The following DMD variants were observed in gnomAD, a reference collection of about 807,000 sequenced individuals.
The protein encoded by DMD is dystrophin, also known as mutant dystrophin.
Under a neutral mutation model 330.1 loss-of-function variants are expected in DMD, and 63 were observed. The observed-to-expected ratio is 0.19, with a 90% confidence interval of 0.16 to 0.24. The LOEUF is 0.24. Ranked by LOEUF, DMD falls within the 10% of genes least tolerant of loss-of-function variation. DMD has a pLI of 1.00. For missense variants in DMD, 3,344 were observed against 2,684.1 expected (o/e 1.25, Z -5.43); for synonymous variants, 1,223 against 959.8 (o/e 1.27, Z -5.07).
intron 1 of DMD, among the ~76,000 whole-genome samples, chrX:33,072,323 T>A (rs1273857474): frequency 2.7e-5 from 3 of 111,121 alleles, no homozygotes; most frequent in South Asian, 3.8e-4. Flanking sequence ...GAGGCTGAGG[T>A]AGGAGAATCA....
chrX:31,277,345 T>C (rs1439428071), intron 62 of DMD, among the ~76,000 whole-genome samples: 1 of 111,952 alleles, frequency 8.9e-6, no homozygotes. Context: ...ATGCCTAATA[T>C]ATTTCAGTAA....
At chrX:32,610,523 A>G (rs533577967) in intron 12 of DMD, among the ~76,000 whole-genome samples, 2 of 111,598 alleles carry the variant, frequency 1.8e-5, no homozygotes, top group South Asian at 7.4e-4. Flanking sequence ...GAATATACAG[A>G]AGCATATCTG....
At chrX:32,055,111 G>A (rs1010153606) in intron 44 of DMD, among the ~76,000 whole-genome samples, 1 of 111,299 alleles carries the variant, frequency 9.0e-6, no homozygotes, top group Non-Finnish European at 1.9e-5. Flanking sequence ...GAGGACAAGT[G>A]CCTGTGTTCT....
intron 77 of DMD, among the ~76,000 whole-genome samples, chrX:31,128,697 C>G (rs1849586451): frequency 9.0e-6 from 1 of 111,606 alleles, no homozygotes; most frequent in Non-Finnish European, 1.9e-5. Context: ...TGTTCCAGAT[C>G]CTTCTTCAGA....
At chrX:32,863,368 T>C (rs2149095542) in intron 2 of DMD, among the ~76,000 whole-genome samples, 1 of 108,705 alleles carries the variant, frequency 9.2e-6, no homozygotes, top group Non-Finnish European at 1.9e-5. Context: ...AATACAAAAG[T>C]TAGCTGGGCA....
chrX:32,216,792 T>C, intron 44 of DMD, 124 bp downstream of exon 44: 1 of 610,599 alleles, frequency 1.6e-6, no homozygotes, highest in Non-Finnish European at 2.6e-6. Flanking sequence ...TCTAGTAATA[T>C]AATGATGACA....
intron 7 of DMD, among the ~76,000 whole-genome samples, chrX:32,701,936 T>G (rs1012206134): frequency 1.4e-4 from 16 of 111,887 alleles, no homozygotes; most frequent in South Asian, 7.4e-4. Context: ...AACCAAACTA[T>G]TGCCATTTTG....
At chrX:33,296,671 C>T (rs771260488) in intron 1 of DMD, among the ~76,000 whole-genome samples, 5 of 110,565 alleles carry the variant, frequency 4.5e-5, no homozygotes, top group African/African-American at 1.3e-4. Context: ...ATGATAGCTA[C>T]GTTATGAAGC....
chrX:31,518,795 A>G (rs2072486201), intron 55 of DMD, among the ~76,000 whole-genome samples: 1 of 111,203 alleles, frequency 9.0e-6, no homozygotes, highest in Non-Finnish European at 1.9e-5. Context: ...GAGGTAAAGT[A>G]ACTTATACAA....
rs184341633 is a variant in DMD at position 32,880,450 on chromosome X, T to G, written c.94-30630A>C. On this transcript the variant is annotated intron_variant, in intron 2 of 78. Coordinates refer to ENST00000357033, the MANE Select transcript of DMD (RefSeq NM_004006.3). ...TTTCTAGTCTATAGTTGATATCAATTTCAACCCCAATACAACCCTAGCCAA... is the reference window on the plus strand; with the variant it reads ...TTTCTAGTCTATAGTTGATATCAATGTCAACCCCAATACAACCCTAGCCAA... 7.2e-5 allele frequency among the ~76,000 whole-genome samples: 8 copies of G among 111,605 alleles called. No individual in the cohort carries two copies. The East Asian group carries it at 2.3e-3, about 31-fold the overall frequency.
intron 9 of DMD, among the ~76,000 whole-genome samples, chrX:32,685,686 C>G (rs756928974): frequency 9.0e-6 from 1 of 111,571 alleles, no homozygotes; most frequent in East Asian, 2.8e-4. Flanking sequence ...GCTTGAAAAT[C>G]TGGATTTGCT....
chrX:31,661,943 AT>A (rs2081150175), intron 53 of DMD, among the ~76,000 whole-genome samples: 1 of 111,472 alleles, frequency 9.0e-6, no homozygotes, highest in African/African-American at 3.3e-5. Flanking sequence ...AATTTTGAGT[AT>A]TTTTTTCTAC....
intron 1 of DMD, among the ~76,000 whole-genome samples, chrX:33,142,332 G>A (rs914132062): frequency 8.9e-5 from 10 of 112,769 alleles, no homozygotes; most frequent in African/African-American, 1.9e-4. Flanking sequence ...TGATCCACCC[G>A]CCTTGGCCTC....
At chrX:33,258,961 C>T (rs2052904915) in intron 1 of DMD, among the ~76,000 whole-genome samples, 1 of 110,772 alleles carries the variant, frequency 9.0e-6, no homozygotes. Flanking sequence ...AGAGTAATAC[C>T]AGGCTGAATT....
chrX:31,341,891 G>GCACA lies in DMD; in HGVS notation c.9163+6661_9163+6664dup, dbSNP rs58867858. ...GGCGTGCGCGCGTGCGTGCGCGCGC[G>GCACA]CACACACACACACACACACACACAC... is the stretch of plus-strand genomic sequence containing the variant. On this transcript the variant is annotated intron_variant, in intron 61 of 78. Coordinates refer to ENST00000357033, the MANE Select transcript of DMD (RefSeq NM_004006.3). Among the ~76,000 whole-genome samples the GCACA allele has an allele frequency of 5.4e-3, 532 of 98,863 alleles. 1 individual carries two copies. The highest frequency in any genetic ancestry group is 7.7e-3 in the South Asian group (15 of 1,960). 85.9% of individuals were successfully genotyped at this position (98,863 alleles called of 115,157 possible).
At chrX:32,879,496 A>C (rs2083700620) in intron 2 of DMD, among the ~76,000 whole-genome samples, 1 of 112,088 alleles carries the variant, frequency 8.9e-6, no homozygotes. Context: ...GATCACCATT[A>C]ATATTTGTCT....
chrX:33,294,109 G>A (rs977103189), intron 1 of DMD, among the ~76,000 whole-genome samples: 2 of 111,549 alleles, frequency 1.8e-5, no homozygotes, highest in South Asian at 7.4e-4. Flanking sequence ...CTGTCACACA[G>A]AGCTAGAGAG....
At chrX:31,606,521 G>C (rs189147663) in intron 55 of DMD, among the ~76,000 whole-genome samples, 1 of 111,199 alleles carries the variant, frequency 9.0e-6, no homozygotes, top group Non-Finnish European at 1.9e-5. Context: ...AGTTGCTTTC[G>C]TTATAAAATA....
At chrX:31,855,923 T>G (rs2093607093) in intron 48 of DMD, among the ~76,000 whole-genome samples, 1 of 112,045 alleles carries the variant, frequency 8.9e-6, no homozygotes, top group African/African-American at 3.2e-5. Flanking sequence ...GCACTTAGCC[T>G]TTATACACTT....
Sources: gnomAD v4.1 joint callset for allele counts (sites outside exome capture counted in the v4.1 genomes callset) on GRCh38, gnomAD v4.1.1 for gene constraint, MANE v1.5 for transcripts, NCBI Gene and HGNC (gene_info 2026-07-23, HGNC 2026-07-21) for gene names.